Variants in MACROD2 observed in about 807,000 individuals in gnomAD.
MACROD2 encodes mono-ADP ribosylhydrolase 2.
MACROD2 carries 36 observed loss-of-function variants against 70.4 expected under a neutral mutation model. The observed-to-expected ratio is 0.51, with a 90% CI of 0.39 to 0.68. The LOEUF (loss-of-function observed/expected upper bound fraction) is 0.68, where lower values mean the gene tolerates loss of function less well. Among genes scored for constraint, MACROD2 ranks in the 30% least tolerant of loss-of-function variants. MACROD2 has a pLI of 0.00. For synonymous variants in MACROD2, 172 were observed against 178.8 expected, an observed-to-expected ratio of 0.96 and a Z score of 0.30; for missense variants, 496 against 538.4, an observed-to-expected ratio of 0.92 and a Z score of 0.78.
Position 14,666,096 on chromosome 20 carries a change from T to C in MACROD2, c.302-18747T>C, listed in dbSNP as rs542952318. On this transcript the variant is annotated intron_variant, in intron 4 of 17. Coordinates refer to ENST00000684519, the MANE Select transcript of MACROD2 (RefSeq NM_001351661.2). ...GACCATGGCCCGTGAGGCATGGTTT[T>C]ATGACTCTGCTGAAATCTCAGCCTC... is the stretch of plus-strand genomic sequence containing the variant. Among the ~76,000 whole-genome samples the C allele has an allele frequency of 2.0e-5, 3 of 152,216 alleles. No individual in the cohort carries two copies. In the South Asian group the frequency reaches 6.2e-4, roughly 32 times the overall value.
At chr20:14,057,066 A>G (rs1276116311) in intron 2 of MACROD2, among the ~76,000 whole-genome samples, 1 of 152,152 alleles carries the variant, frequency 6.6e-6, no homozygotes, top group African/African-American at 2.4e-5. Flanking sequence ...AATGGGAAAA[A>G]CAATGAAACT....
intron 2 of MACROD2, chr20:14,003,595 A>G: frequency 4.7e-6 from 2 of 429,876 alleles, no homozygotes; most frequent in South Asian, 2.1e-5. Context: ...TGATCACGTG[A>G]GCATCATGGA....
intron 6 of MACROD2, among the ~76,000 whole-genome samples, chr20:15,242,955 T>C (rs944232432): frequency 2.6e-5 from 4 of 152,160 alleles, no homozygotes; most frequent in South Asian, 2.1e-4. Context: ...CACGTGATGA[T>C]GCAATGTTTA....
chr20:13,995,816 G>A lies in MACROD2; in HGVS notation c.46+7G>A, dbSNP rs769173347. 3 of 1,595,844 alleles carry A rather than the reference G, an allele frequency of 1.9e-6. No homozygotes were observed. The highest frequency in any genetic ancestry group is 3.5e-5 in the Admixed American group (2 of 57,686). ...GTGTGGAGAGAGGAGAAAGGTAACC[G>A]GCCCGTCGAGTCCTGGGGGTGCGGG... On this transcript the variant is annotated splice_region_variant and intron_variant, in intron 1 of 17. Transcript: ENST00000684519. The surrounding 1 kb of genome is among the most constrained non-coding windows in gnomAD (Gnocchi z 4.3).
chr20:14,336,551 G>C (rs772667751), intron 3 of MACROD2, among the ~76,000 whole-genome samples: 1 of 152,094 alleles, frequency 6.6e-6, no homozygotes, highest in Non-Finnish European at 1.5e-5. Context: ...CCTATTATAA[G>C]TTGCAAAGAA....
chr20:14,894,529 T>C (rs1007425829), intron 5 of MACROD2: 19 of 152,154 alleles, frequency 1.2e-4, no homozygotes, highest in African/African-American at 4.6e-4. Context: ...GGCTTTTACC[T>C]CTACTTTTAT....
At chr20:14,733,229 T>A (rs1378018511) in intron 5 of MACROD2, among the ~76,000 whole-genome samples, 1 of 152,162 alleles carries the variant, frequency 6.6e-6, no homozygotes, top group African/African-American at 2.4e-5. Context: ...AAATTCATAG[T>A]GTTTATCTTT....
chr20:14,011,344 GA>G (rs1168111846), intron 2 of MACROD2, among the ~76,000 whole-genome samples: 1 of 152,100 alleles, frequency 6.6e-6, no homozygotes, highest in African/African-American at 2.4e-5. Flanking sequence ...CCTTATAAAT[GA>G]GGGCAACTTT....
intron 10 of MACROD2, among the ~76,000 whole-genome samples, chr20:15,920,712 A>G (rs997160641): frequency 6.6e-6 from 1 of 152,208 alleles, no homozygotes; most frequent in African/African-American, 2.4e-5. Flanking sequence ...CCGGCAAATG[A>G]TGAAGGCTCA....
At chr20:14,186,061 T>C (rs1212102319) in intron 3 of MACROD2, among the ~76,000 whole-genome samples, 1 of 152,188 alleles carries the variant, frequency 6.6e-6, no homozygotes, top group Non-Finnish European at 1.5e-5. Flanking sequence ...GCTCTATCCC[T>C]GGCCTTTTTG....
At chr20:15,188,620 A>T (rs911407673) in intron 5 of MACROD2, among the ~76,000 whole-genome samples, 1 of 152,224 alleles carries the variant, frequency 6.6e-6, no homozygotes, top group African/African-American at 2.4e-5. Flanking sequence ...ATGATGCCTC[A>T]AGTGCATTGC....
At chr20:15,720,653 A>G (rs1368728670) in intron 8 of MACROD2, among the ~76,000 whole-genome samples, 1 of 152,110 alleles carries the variant, frequency 6.6e-6, no homozygotes, top group African/African-American at 2.4e-5. Flanking sequence ...TTTGCTTTGA[A>G]TCACCCTGGA....
intron 5 of MACROD2, among the ~76,000 whole-genome samples, chr20:15,019,538 C>T (rs2075148270): frequency 6.6e-6 from 1 of 152,154 alleles, no homozygotes; most frequent in African/African-American, 2.4e-5. Flanking sequence ...CACTTATGGC[C>T]TCCTTTTCTA....
chr20:14,876,156 A>G (rs2073548255), intron 5 of MACROD2, among the ~76,000 whole-genome samples: 1 of 152,152 alleles, frequency 6.6e-6, no homozygotes, highest in African/African-American at 2.4e-5. Flanking sequence ...ACATTTTAGT[A>G]ATAGTCATTC....
chr20:14,059,851 G>A (rs1456453780), intron 2 of MACROD2, among the ~76,000 whole-genome samples: 2 of 152,168 alleles, frequency 1.3e-5, no homozygotes, highest in Non-Finnish European at 2.9e-5. Flanking sequence ...GAGGAGAAGG[G>A]ACCACTTTAG....
chr20:15,129,571 A>G (rs980170797), intron 5 of MACROD2, among the ~76,000 whole-genome samples: 2 of 152,122 alleles, frequency 1.3e-5, no homozygotes, highest in African/African-American at 2.4e-5. Flanking sequence ...TTTTTCTTGT[A>G]TAACTGTGGC....
intron 5 of MACROD2, among the ~76,000 whole-genome samples, chr20:15,002,344 G>C (rs1030688909): frequency 6.6e-6 from 1 of 151,960 alleles, no homozygotes; most frequent in Non-Finnish European, 1.5e-5. Context: ...TTGTGGCTTT[G>C]ATTTGCATTT....
chr20:15,262,463 G>A (rs1033637170), intron 6 of MACROD2, among the ~76,000 whole-genome samples: 1 of 152,048 alleles, frequency 6.6e-6, no homozygotes, highest in Non-Finnish European at 1.5e-5. Flanking sequence ...GGACACTTAG[G>A]TTGCTTCCAC....
At chr20:14,795,382 T>C (rs755857469) in intron 5 of MACROD2, among the ~76,000 whole-genome samples, 9 of 152,026 alleles carry the variant, frequency 5.9e-5, no homozygotes, top group Non-Finnish European at 1.2e-4. Flanking sequence ...CAGAAGTGAA[T>C]CTTGAAGGAC....
Sources: gnomAD v4.1 joint callset for allele counts (sites outside exome capture counted in the v4.1 genomes callset) on GRCh38, gnomAD v4.1.1 for gene constraint, Gnocchi (gnomAD v3.1) non-coding constraint, MANE v1.5 for transcripts, NCBI Gene and HGNC (gene_info 2026-07-23, HGNC 2026-07-21) for gene names.